Variants in HS6ST2 observed in about 807,000 individuals in gnomAD.
HS6ST2 encodes heparan-sulfate 6-O-sulfotransferase 2.
A neutral mutation model predicts 33.0 loss-of-function variants in HS6ST2; 17 were observed. The observed-to-expected ratio is 0.52, with a 90% CI of 0.35 to 0.77. The LOEUF is 0.77. HS6ST2 is among the 30% of genes least tolerant of loss of function. HS6ST2 has a pLI of 0.01. For missense variants in HS6ST2, 519 were observed against 551.7 expected (o/e 0.94, Z 0.59); for synonymous variants, 248 against 237.1 (o/e 1.05, Z -0.42).
At chrX:132,650,483 C>T (rs1238606411) in intron 4 of HS6ST2, among the ~76,000 whole-genome samples, 1 of 111,412 alleles carries the variant, frequency 9.0e-6, no homozygotes, top group Non-Finnish European at 1.9e-5. Flanking sequence ...TGCTCATTTT[C>T]TCTGTAAATC....
intron 2 of HS6ST2, among the ~76,000 whole-genome samples, chrX:132,802,582 C>T (rs1471235238): frequency 9.0e-6 from 1 of 111,007 alleles, no homozygotes; most frequent in Non-Finnish European, 1.9e-5. Flanking sequence ...GAAGATGACT[C>T]GTGGCTAAAC....
chrX:132,935,414 G>A (rs763481743), intron 2 of HS6ST2, among the ~76,000 whole-genome samples: 19 of 111,483 alleles, frequency 1.7e-4, no homozygotes, highest in Non-Finnish European at 3.4e-4. Context: ...CTAGGCTTCA[G>A]TGCAGTGGCA....
chrX:132,868,226 A>G (rs1333299849), intron 2 of HS6ST2, among the ~76,000 whole-genome samples: 2 of 112,427 alleles, frequency 1.8e-5, no homozygotes, highest in Non-Finnish European at 3.8e-5. Flanking sequence ...TGCAACAAGA[A>G]GAGCTAACTA....
chrX:132,821,143 G>C (rs895833986), intron 2 of HS6ST2, among the ~76,000 whole-genome samples: 3 of 108,519 alleles, frequency 2.8e-5, no homozygotes, highest in Non-Finnish European at 5.7e-5. Flanking sequence ...TATAGTTACT[G>C]AGAGATCATC....
chrX:132,912,455 T>A (rs1480968483), intron 2 of HS6ST2, among the ~76,000 whole-genome samples: 1 of 112,928 alleles, frequency 8.9e-6, no homozygotes, highest in Non-Finnish European at 1.9e-5. Context: ...TTAATACATG[T>A]AGGCTGTGGC....
chrX:132,757,561 T>C (rs1174553933), intron 2 of HS6ST2, among the ~76,000 whole-genome samples: 1 of 110,605 alleles, frequency 9.0e-6, no homozygotes, highest in Non-Finnish European at 1.9e-5. Flanking sequence ...AAGAGCAAAA[T>C]GGAGAGAAAC....
intron 3 of HS6ST2, among the ~76,000 whole-genome samples, chrX:132,675,166 A>G (rs1338328508): frequency 9.0e-6 from 1 of 110,770 alleles, no homozygotes. Flanking sequence ...GAGTTGGGGT[A>G]TTGATGGACA....
chrX:132,799,383 T>A (rs1040239331), intron 2 of HS6ST2, among the ~76,000 whole-genome samples: 1 of 107,133 alleles, frequency 9.3e-6, no homozygotes, highest in Non-Finnish European at 1.9e-5. Context: ...TTTTTTTTTT[T>A]AATTATTTTG....
intron 2 of HS6ST2, among the ~76,000 whole-genome samples, chrX:132,910,846 A>G (rs929773980): frequency 1.8e-5 from 2 of 111,702 alleles, no homozygotes; most frequent in East Asian, 5.7e-4. Context: ...GCAGCATGAC[A>G]TATGTTAAAA....
intron 2 of HS6ST2, 119 bp downstream of exon 2, chrX:132,956,689 C>T: frequency 1.1e-6 from 1 of 883,827 alleles, no homozygotes; most frequent in East Asian, 3.8e-5. Context: ...CCTGCCCAGC[C>T]GGGGTGCAAA....
At chrX:132,679,528 G>A (rs1198622263) in intron 3 of HS6ST2, among the ~76,000 whole-genome samples, 5 of 111,466 alleles carry the variant, frequency 4.5e-5, no homozygotes, top group Non-Finnish European at 7.5e-5. Flanking sequence ...GAGGCAGGGC[G>A]AGATCACAGG....
chrX:132,930,923 C>T (rs1236269399), intron 2 of HS6ST2, among the ~76,000 whole-genome samples: 1 of 111,095 alleles, frequency 9.0e-6, no homozygotes, highest in African/African-American at 3.3e-5. Flanking sequence ...GACCCAGCAT[C>T]CCTGAACATA....
intron 2 of HS6ST2, among the ~76,000 whole-genome samples, chrX:132,847,231 C>T (rs896074836): frequency 1.8e-5 from 2 of 111,488 alleles, no homozygotes; most frequent in Non-Finnish European, 3.8e-5. Context: ...TGGCTTGAAG[C>T]AGGGTTCTGT....
intron 2 of HS6ST2, among the ~76,000 whole-genome samples, chrX:132,713,869 C>T (rs1213349984): frequency 9.1e-6 from 1 of 110,373 alleles, no homozygotes; most frequent in Non-Finnish European, 1.9e-5. Context: ...CCAACCTGAT[C>T]CTTGCTTTTG....
At chrX:132,762,874 T>C (rs2064815572) in intron 2 of HS6ST2, among the ~76,000 whole-genome samples, 1 of 111,303 alleles carries the variant, frequency 9.0e-6, no homozygotes, top group Non-Finnish European at 1.9e-5. Context: ...TGGTTAAGAA[T>C]TTTTCTACTT....
intron 2 of HS6ST2, among the ~76,000 whole-genome samples, chrX:132,806,049 G>T (rs932427006): frequency 9.1e-6 from 1 of 109,971 alleles, no homozygotes; most frequent in African/African-American, 3.3e-5. Flanking sequence ...GGGTGTTATG[G>T]TGGTATTTGC....
At chrX:132,883,036 T>TA (rs1259283749) in intron 2 of HS6ST2, among the ~76,000 whole-genome samples, 2 of 110,910 alleles carry the variant, frequency 1.8e-5, no homozygotes, top group African/African-American at 6.6e-5. Flanking sequence ...GCCAGTATTT[T>TA]ATTGAGGATT....
In HS6ST2 at chrX:132,958,532, C is replaced by T; in HGVS notation, c.71G>A (p.Arg24His). The T allele has an allele frequency of 8.5e-7, 1 of 1,183,402 alleles. No individual in the cohort carries two copies. The highest frequency in any genetic ancestry group is 3.1e-5 in the East Asian group (1 of 32,265). Residue 24 changes from arginine (R) to histidine (H), a missense_variant, in exon 1 of 5, where the codon CGC becomes CAC. Coordinates refer to ENST00000370833, the MANE Select transcript of HS6ST2 (RefSeq NM_001394073.1). Reference sequence around the variant, plus strand: ...GGAATGCCGGCGGGGACAGGTGGTGCGGACGGGCGCTCCTCGCTCCGGTTG... The same window carrying T: ...GGAATGCCGGCGGGGACAGGTGGTGTGGACGGGCGCTCCTCGCTCCGGTTG... Reference protein sequence around the residue: ...PRQPERGAPVRTTCPRRHSRV... With the variant: ...PRQPERGAPVHTTCPRRHSRV...
chrX:132,758,542 G>T (rs1355341217), intron 2 of HS6ST2, among the ~76,000 whole-genome samples: 1 of 111,836 alleles, frequency 8.9e-6, no homozygotes, highest in Non-Finnish European at 1.9e-5. Context: ...CAAGGTCATG[G>T]TTTCCTAAGA....
Sources: gnomAD v4.1 joint callset for allele counts (sites outside exome capture counted in the v4.1 genomes callset) on GRCh38, gnomAD v4.1.1 for gene constraint, MANE v1.5 for transcripts, NCBI Gene and HGNC (gene_info 2026-07-23, HGNC 2026-07-21) for gene names.